Variants in LRMDA observed in about 807,000 individuals in gnomAD.
LRMDA encodes leucine-rich melanocyte differentiation-associated protein.
In LRMDA, 18 loss-of-function variants were observed where a neutral mutation model predicts 29.8. The ratio of observed to expected loss-of-function variants is 0.60; its 90% CI spans 0.42 to 0.90. The LOEUF (loss-of-function observed/expected upper bound fraction) is 0.90, where lower values mean the gene tolerates loss of function less well. Among genes scored for constraint, LRMDA ranks in the 40% least tolerant of loss-of-function variants. LRMDA has a pLI of 0.00. For missense variants in LRMDA, 273 were observed against 273.9 expected (o/e 1.00, Z 0.02); for synonymous variants, 125 against 109.4 (o/e 1.14, Z -0.89).
intron 5 of LRMDA, among the ~76,000 whole-genome samples, chr10:76,244,151 G>A (rs1278892956): frequency 6.6e-6 from 1 of 152,082 alleles, no homozygotes; most frequent in Admixed American, 6.6e-5. Context: ...ATGACTTTGG[G>A]CTAGACTCTT....
At chr10:75,436,920 T>G (rs2132020969) in intron 1 of LRMDA, among the ~76,000 whole-genome samples, 1 of 152,364 alleles carries the variant, frequency 6.6e-6, no homozygotes, top group East Asian at 1.9e-4. Flanking sequence ...TGAAGAAAGA[T>G]GGACCCCAGG....
At chr10:75,852,064 A>G (rs1285198934) in intron 2 of LRMDA, among the ~76,000 whole-genome samples, 2 of 152,146 alleles carry the variant, frequency 1.3e-5, no homozygotes, top group Non-Finnish European at 2.9e-5. Flanking sequence ...TCTTTGTCTT[A>G]CAACTCAGAC....
At chr10:75,537,195 A>G (rs921551126) in intron 2 of LRMDA, among the ~76,000 whole-genome samples, 3 of 152,140 alleles carry the variant, frequency 2.0e-5, no homozygotes, top group African/African-American at 7.2e-5. Context: ...TTTTCCACTT[A>G]GCTCAAAGCC....
chr10:75,816,732 A>G (rs1310434632), intron 2 of LRMDA, among the ~76,000 whole-genome samples: 1 of 152,216 alleles, frequency 6.6e-6, no homozygotes, highest in Non-Finnish European at 1.5e-5. Flanking sequence ...GGGTCCTCTT[A>G]TGGATCCCCA....
At chr10:75,578,510 G>A (rs1274226926) in intron 2 of LRMDA, among the ~76,000 whole-genome samples, 1 of 151,974 alleles carries the variant, frequency 6.6e-6, no homozygotes, top group Non-Finnish European at 1.5e-5. Context: ...AATTAACAAG[G>A]ATATCCAGGA....
intron 6 of LRMDA, among the ~76,000 whole-genome samples, chr10:76,504,222 T>A (rs996992014): frequency 6.6e-6 from 1 of 151,952 alleles, no homozygotes; most frequent in Non-Finnish European, 1.5e-5. Context: ...CTTTTTTGAA[T>A]TTATTGAGAC....
chr10:76,199,484 G>A (rs991976229), intron 5 of LRMDA, among the ~76,000 whole-genome samples: 6 of 152,108 alleles, frequency 3.9e-5, no homozygotes, highest in African/African-American at 1.4e-4. Context: ...GCAGAACCAT[G>A]CTGAGGCTTA....
chr10:76,065,052 G>A (rs1004630930), intron 5 of LRMDA, among the ~76,000 whole-genome samples: 3 of 152,004 alleles, frequency 2.0e-5, no homozygotes, highest in Non-Finnish European at 4.4e-5. Flanking sequence ...TTAAGAAAAT[G>A]CTTAGATGGT....
chr10:75,839,705 T>C (rs918221115), intron 2 of LRMDA, among the ~76,000 whole-genome samples: 2 of 135,616 alleles, frequency 1.5e-5, no homozygotes, highest in Non-Finnish European at 3.2e-5. Context: ...ACTTTCTTTT[T>C]TTTTTTTTTT....
rs530938153 is a variant in LRMDA at position 76,416,399 on chromosome 10, G to A, written c.601+91914G>A. Among the ~76,000 whole-genome samples, 13 of 152,144 alleles carry A rather than the reference G, an allele frequency of 8.5e-5. No homozygotes were observed. The South Asian group carries it at 2.1e-3, about 24-fold the overall frequency. On this transcript the variant is annotated intron_variant, in intron 6 of 6. Coordinates refer to ENST00000611255, the MANE Select transcript of LRMDA (RefSeq NM_001305581.2). ...CCCTCAGATCTATCACTTATAATGC[G>A]GCCTCGGACAGGCCATCTAACTTCT... is the stretch of plus-strand genomic sequence containing the variant.
intron 2 of LRMDA, among the ~76,000 whole-genome samples, chr10:75,742,069 G>T (rs773632058): frequency 6.6e-6 from 1 of 152,158 alleles, no homozygotes; most frequent in Non-Finnish European, 1.5e-5. Context: ...CGAAAAATAC[G>T]TTTCTGTTGT....
In LRMDA at chr10:75,833,911, A is replaced by G. The variant is rs551411159; in HGVS notation, c.132-202097A>G. On this transcript the variant is annotated intron_variant, in intron 2 of 6. Transcript: ENST00000611255. ...AAGCAATTTTATACGTGGCAGGGCA[A>G]ACTTCTTTAGGTTTCAGGACCCGGG... Among the ~76,000 whole-genome samples, 6 of 152,282 alleles carry G rather than the reference A, an allele frequency of 3.9e-5. No individual in the cohort carries two copies. The South Asian group carries it at 1.0e-3, about 26-fold the overall frequency.
chr10:76,158,095 G>C (rs571161189), intron 5 of LRMDA, among the ~76,000 whole-genome samples: 25 of 152,158 alleles, frequency 1.6e-4, no homozygotes, highest in African/African-American at 5.8e-4. Context: ...TATGGGACTG[G>C]TCAAATATGT....
At chr10:75,548,413 T>G (rs1325620890) in intron 2 of LRMDA, among the ~76,000 whole-genome samples, 1 of 152,068 alleles carries the variant, frequency 6.6e-6, no homozygotes, top group Non-Finnish European at 1.5e-5. Flanking sequence ...GTTTTGGGAG[T>G]TCCTTTCCCA....
At position 76,500,292 on chromosome 10, in the gene LRMDA, T is replaced by C. The variant is rs1297842285; in HGVS notation, c.602-56917T>C. 2.6e-5 allele frequency among the ~76,000 whole-genome samples: 2 copies of C among 76,314 alleles called. 1 individual carries two copies. Among genetic ancestry groups the C allele is most frequent in the Non-Finnish European group, 8.7e-5 (2 of 22,910 alleles). 50.1% of individuals were successfully genotyped at this position (76,314 alleles called of 152,430 possible). A position where few individuals can be genotyped will look rare whatever the true frequency, so the allele number is the denominator to read the frequency against. The stretch of plus-strand genomic sequence containing the variant: ...ACCATTAGATGGTCACTATTGACAA[T>C]TTGATCTATTTCTGTCCTTCTATTC... On this transcript the variant is annotated intron_variant, in intron 6 of 6. Transcript: ENST00000611255.
At chr10:75,973,034 C>T (rs1241056579) in intron 2 of LRMDA, among the ~76,000 whole-genome samples, 1 of 117,880 alleles carries the variant, frequency 8.5e-6, no homozygotes, top group East Asian at 2.6e-4. Context: ...GCAGCAGCAG[C>T]AGCAGCAGCA....
At chr10:75,544,291 T>C (rs1285944402) in intron 2 of LRMDA, among the ~76,000 whole-genome samples, 1 of 152,198 alleles carries the variant, frequency 6.6e-6, no homozygotes, top group East Asian at 1.9e-4. Flanking sequence ...TTATTGTTAA[T>C]TGGTAGTACA....
At chr10:76,433,786 G>C (rs1049467993) in intron 6 of LRMDA, 2 of 152,218 alleles carry the variant, frequency 1.3e-5, no homozygotes, top group African/African-American at 4.8e-5. Flanking sequence ...TTTGTCATGG[G>C]ATCAAATTCT....
At chr10:75,564,252 C>G (rs1430118417) in intron 2 of LRMDA, among the ~76,000 whole-genome samples, 2 of 152,198 alleles carry the variant, frequency 1.3e-5, no homozygotes, top group Non-Finnish European at 2.9e-5. Context: ...CGCCCCTCCC[C>G]CAGCCTCGCT....
Sources: allele counts gnomAD v4.1 joint callset (sites outside exome capture counted in the v4.1 genomes callset), GRCh38; gene constraint gnomAD v4.1.1; transcripts MANE v1.5; gene names NCBI Gene and HGNC (gene_info 2026-07-23, HGNC 2026-07-21).